CCDC192: variants seen among roughly 807,000 people sequenced by gnomAD.
CCDC192 encodes coiled-coil domain containing 192, also known as coiled-coil domain-containing protein 192.
chr5:127,840,289 G>A (rs887129820), intron 5 of CCDC192, among the ~76,000 whole-genome samples: 3 of 152,172 alleles, frequency 2.0e-5, no homozygotes, highest in Non-Finnish European at 2.9e-5. Context: ...AAGAAAAAGA[G>A]GAAGTGAAGA....
intron 6 of CCDC192, among the ~76,000 whole-genome samples, chr5:127,878,220 A>T (rs1449867998): frequency 6.6e-6 from 1 of 152,232 alleles, no homozygotes; most frequent in Non-Finnish European, 1.5e-5. Flanking sequence ...GCATTTTTCC[A>T]CTAACTCTAG....
chr5:127,871,262 A>G (rs1433773745), intron 5 of CCDC192, among the ~76,000 whole-genome samples: 1 of 152,256 alleles, frequency 6.6e-6, no homozygotes, highest in Non-Finnish European at 1.5e-5. Flanking sequence ...TGAGGAGATC[A>G]ATGTAATCAT....
At chr5:127,828,332 C>T (rs1749632702) in intron 5 of CCDC192, among the ~76,000 whole-genome samples, 2 of 152,164 alleles carry the variant, frequency 1.3e-5, no homozygotes, top group Non-Finnish European at 2.9e-5. Flanking sequence ...TAAGCTTCTC[C>T]TGAGTAATTA....
chr5:127,915,644 G>T (rs1304873111), intron 6 of CCDC192, among the ~76,000 whole-genome samples: 2 of 152,218 alleles, frequency 1.3e-5, no homozygotes, highest in East Asian at 3.9e-4. Flanking sequence ...GCTTCCCAAA[G>T]TGCTGGGATT....
chr5:127,906,775 G>A (rs939346717), intron 6 of CCDC192, among the ~76,000 whole-genome samples: 1 of 121,488 alleles, frequency 8.2e-6, no homozygotes, highest in African/African-American at 3.5e-5. Context: ...AACAGAGTAA[G>A]ATCCTGTCTC....
intron 5 of CCDC192, among the ~76,000 whole-genome samples, chr5:127,858,347 A>G (rs1304419669): frequency 6.6e-6 from 1 of 152,012 alleles, no homozygotes; most frequent in East Asian, 1.9e-4. Context: ...ACCTTTACAC[A>G]CAGTGTTTCC....
intron 5 of CCDC192, among the ~76,000 whole-genome samples, chr5:127,812,571 T>G (rs939643647): frequency 2.0e-5 from 3 of 152,226 alleles, no homozygotes; most frequent in African/African-American, 7.2e-5. Flanking sequence ...AATTCCATTT[T>G]ATTGATTTTA....
intron 6 of CCDC192, among the ~76,000 whole-genome samples, chr5:127,876,818 A>G (rs532402195): frequency 4.2e-4 from 64 of 152,310 alleles, no homozygotes; most frequent in African/African-American, 1.5e-3. Flanking sequence ...TTTCATGTGA[A>G]TTTGATATTC....
At chr5:127,907,433 G>A (rs1001881333) in intron 6 of CCDC192, among the ~76,000 whole-genome samples, 1 of 151,954 alleles carries the variant, frequency 6.6e-6, no homozygotes, top group African/African-American at 2.4e-5. Flanking sequence ...TTCAGTTATT[G>A]TGATCCAATA....
At position 127,774,100 on chromosome 5, in the gene CCDC192, C is replaced by T. The variant is rs112434423; in HGVS notation, c.222+19725C>T. The stretch of plus-strand genomic sequence containing the variant: ...CTACTCAAGTCCTTTGCCCAGTTTT[C>T]AATTGGGTGGTTTGTCTTTTTGTTG... On this transcript the variant is annotated intron_variant, in intron 3 of 6. Coordinates refer to ENST00000514853, the MANE Select transcript of CCDC192 (RefSeq NM_001317938.2). Among the ~76,000 whole-genome samples, 720 of 152,154 alleles carry T rather than the reference C, an allele frequency of 4.7e-3. 1 individual carries two copies. Among genetic ancestry groups the T allele is most frequent in the African/African-American group, 0.016 (675 of 41,528 alleles).
chr5:127,816,845 T>C (rs558293270), intron 5 of CCDC192, among the ~76,000 whole-genome samples: 1 of 152,308 alleles, frequency 6.6e-6, no homozygotes, highest in African/African-American at 2.4e-5. Flanking sequence ...AAAAGAATGC[T>C]ATAGTTCCAT....
At chr5:127,708,513 G>A (rs138323332) in intron 2 of CCDC192, among the ~76,000 whole-genome samples, 1 of 152,188 alleles carries the variant, frequency 6.6e-6, no homozygotes, top group African/African-American at 2.4e-5. Flanking sequence ...CTCCACCAGA[G>A]ATATTTCTGG....
chr5:127,784,920 A>T, intron 3 of CCDC192: 1 of 454,338 alleles, frequency 2.2e-6, no homozygotes. Flanking sequence ...AATTTTTATA[A>T]CCAAGATGTA....
intron 2 of CCDC192, among the ~76,000 whole-genome samples, chr5:127,728,234 C>T (rs966373801): frequency 6.6e-6 from 1 of 152,084 alleles, no homozygotes; most frequent in African/African-American, 2.4e-5. Context: ...CCCCAAGACA[C>T]ATAATCATCA....
chr5:127,706,138 AAGAG>A (rs757938241), intron 1 of CCDC192, among the ~76,000 whole-genome samples: 3 of 151,984 alleles, frequency 2.0e-5, no homozygotes, highest in African/African-American at 4.8e-5. Flanking sequence ...AAATGAGTAA[AAGAG>A]AGACATGTGC....
chr5:127,884,342 CAAAAAAAAAAAA>C (rs778430655), intron 6 of CCDC192, among the ~76,000 whole-genome samples: 6 of 11,840 alleles, frequency 5.1e-4, no homozygotes, highest in African/African-American at 6.7e-4. Context: ...GACTCCGTCT[CAAAAAAAAAAAA>C]AAAAAAAAAA....
intron 2 of CCDC192, among the ~76,000 whole-genome samples, chr5:127,751,938 G>A: frequency 6.6e-6 from 1 of 151,886 alleles, no homozygotes; most frequent in African/African-American, 2.4e-5. Context: ...TCTTCACGTA[G>A]TTCTCGAGCC....
intron 6 of CCDC192, among the ~76,000 whole-genome samples, chr5:127,913,994 A>G (rs1316689567): frequency 6.6e-6 from 1 of 152,236 alleles, no homozygotes; most frequent in Non-Finnish European, 1.5e-5. Context: ...TGTGAATAAA[A>G]ATGGAGAGGG....
chr5:127,842,149 A>G, intron 5 of CCDC192, among the ~76,000 whole-genome samples: 1 of 152,340 alleles, frequency 6.6e-6, no homozygotes, highest in East Asian at 1.9e-4. Context: ...CAGGGCCAGC[A>G]CTCAGAAGGA....
Sources: gnomAD v4.1 joint callset for allele counts (sites outside exome capture counted in the v4.1 genomes callset) on GRCh38, gnomAD v4.1.1 for gene constraint, MANE v1.5 for transcripts, NCBI Gene and HGNC (gene_info 2026-07-23, HGNC 2026-07-21) for gene names.